Variants in TDRD1 observed in about 807,000 individuals in gnomAD.
TDRD1 encodes the protein tudor domain-containing protein 1.
A neutral mutation model predicts 140.6 loss-of-function variants in TDRD1; 37 were observed. The ratio of observed to expected loss-of-function variants is 0.26; its 90% CI spans 0.20 to 0.35. TDRD1 has a LOEUF of 0.35. Ranked by LOEUF, TDRD1 falls within the 10% of genes least tolerant of loss-of-function variation. The pLI, the probability that TDRD1 is intolerant of heterozygous loss-of-function variation, is 1.00. For missense variants in TDRD1, 1,243 were observed against 1,393.0 expected (o/e 0.89, Z 1.71); for synonymous variants, 506 against 475.7 (o/e 1.06, Z -0.83).
At chr10:114,209,313 A>G (rs1473736922) in intron 11 of TDRD1, among the ~76,000 whole-genome samples, 1 of 152,168 alleles carries the variant, frequency 6.6e-6, no homozygotes, top group Non-Finnish European at 1.5e-5. Flanking sequence ...ACCTATGTAC[A>G]CGTGAAGAAG....
chr10:114,190,881 A>G, intron 2 of TDRD1, 80 bp from the exon 3 acceptor site: 1 of 1,371,126 alleles, frequency 7.3e-7, no homozygotes, highest in Admixed American at 1.7e-5. Flanking sequence ...CTTGAATATC[A>G]CCTAATTACA....
At chr10:114,223,492 G>A (rs1219710626) in intron 21 of TDRD1, among the ~76,000 whole-genome samples, 1 of 152,194 alleles carries the variant, frequency 6.6e-6, no homozygotes, top group Admixed American at 6.5e-5. Flanking sequence ...GCATTTTTGT[G>A]ATTAGATGGG....
exon 13 of TDRD1, chr10:114,210,868 G>T: frequency 6.2e-7 from 1 of 1,614,116 alleles, no homozygotes; most frequent in South Asian, 1.1e-5. Flanking sequence ...AGGAAAGCTT[G>T]CTGAACTTCA....
At chr10:114,218,333 G>C (rs1383394667) in intron 17 of TDRD1, 81 bp from the exon 18 acceptor site, 2 of 1,022,338 alleles carry the variant, frequency 2.0e-6, no homozygotes, top group African/African-American at 3.3e-5. Context: ...TTTAGACAAA[G>C]GGTGGCTTTT....
At chr10:114,181,065 A>G (rs569457436) in intron 1 of TDRD1, among the ~76,000 whole-genome samples, 2 of 152,326 alleles carry the variant, frequency 1.3e-5, no homozygotes, top group East Asian at 3.9e-4. Flanking sequence ...AGCGTGAAGT[A>G]CAGAACAAAG....
chr10:114,210,547 A>G, intron 11 of TDRD1, 34 bp from the exon 12 acceptor site: 1 of 1,536,360 alleles, frequency 6.5e-7, no homozygotes, highest in Non-Finnish European at 8.8e-7. Context: ...GGATGAAAAC[A>G]AAATGGCTTA....
chr10:114,194,712 ATTGT>A lies in TDRD1; in HGVS notation c.384+3697_384+3700del, dbSNP rs146266069. Among the ~76,000 whole-genome samples, 352 of 128,350 alleles carry A rather than the reference ATTGT, an allele frequency of 2.7e-3. 10 individuals are homozygous for A. In the East Asian group the frequency reaches 0.07, roughly 26 times the overall value. The allele number at this position is 128,350 out of a possible 152,430, so 84.2% of individuals were successfully genotyped here. On this transcript the variant is annotated intron_variant, in intron 3 of 25. Transcript: ENST00000251864. ...CTGCTTTTGGGCATGTTTTTTTGTC[ATTGT>A]TTGGGGGTTTTTTTGTTTGTCTTTT...
intron 22 of TDRD1, among the ~76,000 whole-genome samples, chr10:114,226,677 G>C (rs999941933): frequency 4.6e-5 from 7 of 152,208 alleles, no homozygotes; most frequent in Admixed American, 2.6e-4. Context: ...TTTGAACAAA[G>C]TGAACAAAAA....
chr10:114,211,094 G>C (rs2035453192), intron 13 of TDRD1, 127 bp downstream of exon 13: 2 of 697,912 alleles, frequency 2.9e-6, no homozygotes, highest in Admixed American at 5.9e-5. Context: ...TTGAATATTA[G>C]AGTGAACCAA....
intron 10 of TDRD1, 56 bp from the exon 11 acceptor site, chr10:114,206,188 C>G: frequency 1.5e-6 from 2 of 1,294,112 alleles, no homozygotes; most frequent in Middle Eastern, 1.9e-4. Context: ...TACGCTTTTC[C>G]CATAATTCTT....
downstream of TDRD1, chr10:114,232,366 C>A (rs988984338): frequency 6.6e-6 from 1 of 150,942 alleles, no homozygotes; most frequent in African/African-American, 2.4e-5. Context: ...ATCTCAAATT[C>A]TCCTAAACCA....
intron 16 of TDRD1, among the ~76,000 whole-genome samples, chr10:114,215,207 C>T (rs949025524): frequency 2.6e-5 from 4 of 152,140 alleles, no homozygotes; most frequent in Non-Finnish European, 4.4e-5. Context: ...CCTTGTTTTT[C>T]CTTGCTGCAT....
chr10:114,208,158 T>C (rs1033560197), intron 11 of TDRD1, among the ~76,000 whole-genome samples: 1 of 152,082 alleles, frequency 6.6e-6, no homozygotes, highest in African/African-American at 2.4e-5. Flanking sequence ...TGACTGCTGG[T>C]GAAGAGGTAT....
chr10:114,227,885 T>C, intron 23 of TDRD1, 25 bp from the exon 24 acceptor site: 2 of 1,602,378 alleles, frequency 1.2e-6, no homozygotes, highest in Non-Finnish European at 1.7e-6. Flanking sequence ...TGTTATCTAA[T>C]GGCTTATTTT....
At chr10:114,226,329 GT>G (rs896499319) in intron 22 of TDRD1, 113 bp downstream of exon 22, 15 of 659,982 alleles carry the variant, frequency 2.3e-5, no homozygotes, top group Admixed American at 6.4e-5. Flanking sequence ...CTGCCTTAAT[GT>G]TTTTAAATAT....
intron 6 of TDRD1, among the ~76,000 whole-genome samples, 197 bp downstream of exon 6, chr10:114,202,495 A>G (rs2034819280): frequency 6.6e-6 from 1 of 152,196 alleles, no homozygotes; most frequent in South Asian, 2.1e-4. Context: ...AGGATGTGGC[A>G]GTATCTCAGT....
exon 23 of TDRD1, chr10:114,227,219 C>G (rs2036487287): frequency 6.2e-7 from 1 of 1,614,130 alleles, no homozygotes. Flanking sequence ...GAGAATGGGA[C>G]TGTCGATGTA....
chr10:114,213,304 C>T, intron 14 of TDRD1, 42 bp from the exon 15 acceptor site: 1 of 1,568,802 alleles, frequency 6.4e-7, no homozygotes, highest in Non-Finnish European at 8.6e-7. Flanking sequence ...TTTCTAAATG[C>T]TTTCAGAATA....
At position 114,227,954 on chromosome 10, in the gene TDRD1, CAAGT is replaced by C. The variant is rs2036535883; in HGVS notation, c.3450_3450+3del. 1.9e-6 allele frequency: 3 copies of C among 1,613,458 alleles called. No homozygotes were observed. The highest frequency in any genetic ancestry group is 2.5e-6 in the Non-Finnish European group (3 of 1,179,684). ...TTGCTGCTGCACAGAGTTACAGAAA[CAAGT>C]AGGTAAAATTTCCTTTAAGTGAAAT... On this transcript the variant is annotated splice_donor_variant and coding_sequence_variant, in exon 24 of 26. Coordinates refer to ENST00000251864, the Ensembl canonical transcript of TDRD1. LOFTEE classifies it high-confidence loss of function.
Sources: gnomAD v4.1 joint callset for allele counts (sites outside exome capture counted in the v4.1 genomes callset) on GRCh38, gnomAD v4.1.1 for gene constraint, MANE v1.5 for transcripts, NCBI Gene and HGNC (gene_info 2026-07-23, HGNC 2026-07-21) for gene names.